Variants in NFATC1 observed in about 807,000 individuals in gnomAD.
NFATC1 encodes the protein nuclear factor of activated T-cells, cytoplasmic 1.
In NFATC1, 22 loss-of-function variants were observed where a neutral mutation model predicts 76.0. That is an observed-to-expected ratio of 0.29 (90% CI 0.21 to 0.41). The LOEUF (loss-of-function observed/expected upper bound fraction) is 0.41. Ranked by LOEUF, NFATC1 falls within the 10% of genes least tolerant of loss-of-function variation. The probability of loss-of-function intolerance (pLI) is 1.00; values close to 1 mark genes in which losing one functional copy is unlikely to be tolerated. For synonymous variants in NFATC1, 704 were observed against 613.1 expected (o/e 1.15, Z -2.19); for missense variants, 1,357 against 1,337.7 (o/e 1.01, Z -0.23).
chr18:79,421,122 C>G (rs2086077018), intron 2 of NFATC1: 1 of 152,296 alleles, frequency 6.6e-6, no homozygotes, highest in African/African-American at 2.4e-5. Context: ...CCCACACACA[C>G]TTCTACGCTG....
Position 79,396,105 on chromosome 18 carries a change from G to A in NFATC1, c.-120G>A, listed in dbSNP as rs1210923900. On this transcript the variant is annotated 5_prime_UTR_variant, in exon 1 of 10. Transcript: ENST00000427363. ...CGCCCCTCGATGACTTTCCTCCGGG[G>A]CGCGCGGCGCTGAGCCCGGGGCGAG... 8 of 1,156,190 alleles carry A rather than the reference G, an allele frequency of 6.9e-6. No individual in the cohort carries two copies. In the South Asian group the frequency reaches 8.9e-5, roughly 13 times the overall value. 71.6% of individuals were successfully genotyped at this position (1,156,190 alleles called of 1,614,324 possible).
At chr18:79,474,117 G>A (rs1414819276) in intron 8 of NFATC1, among the ~76,000 whole-genome samples, 10 of 144,268 alleles carry the variant, frequency 6.9e-5, no homozygotes, top group Middle Eastern at 8.0e-3. Flanking sequence ...TGAGGGAAGC[G>A]TGTTCTCACG....
intron 9 of NFATC1, among the ~76,000 whole-genome samples, chr18:79,490,765 C>T (rs1029961042): frequency 1.3e-5 from 2 of 152,110 alleles, no homozygotes; most frequent in Non-Finnish European, 2.9e-5. Context: ...CCAACATGGC[C>T]GGGAAGGGTC....
At chr18:79,458,692 G>C (rs560879082) in intron 6 of NFATC1, among the ~76,000 whole-genome samples, 1 of 152,242 alleles carries the variant, frequency 6.6e-6, no homozygotes, top group Non-Finnish European at 1.5e-5. Context: ...TTTCAGGACC[G>C]GCTGCCTTCC....
rs2090701429 is a variant in NFATC1 at position 79,524,592 on chromosome 18, A to G, written c.2783-2936A>G. Among the ~76,000 whole-genome samples, 1 of 152,120 alleles carries G rather than the reference A, an allele frequency of 6.6e-6. No homozygotes were observed. Among genetic ancestry groups the G allele is most frequent in the Non-Finnish European group, 1.5e-5 (1 of 68,000 alleles). On this transcript the variant is annotated intron_variant, in intron 9 of 9. Transcript: ENST00000427363. The surrounding 1 kb of genome is among the most constrained non-coding windows in gnomAD (Gnocchi z 7.2). ...CGGCCCACACGCACCGCCAGCCCGC[A>G]GGAGTGAGGTGCAGGCTGCCGCTGG...
chr18:79,449,701 G>C (rs1258632793), intron 4 of NFATC1, among the ~76,000 whole-genome samples: 1 of 152,200 alleles, frequency 6.6e-6, no homozygotes, highest in Non-Finnish European at 1.5e-5. Flanking sequence ...GTCCTGCGAG[G>C]GTGACCCGCA....
intron 9 of NFATC1, among the ~76,000 whole-genome samples, chr18:79,510,836 CCGGGG>C (rs1289915535): frequency 5.1e-4 from 76 of 149,664 alleles, no homozygotes; most frequent in African/African-American, 1.7e-3. Context: ...GCATCCTCTG[CCGGGG>C]CATCCTCTGC....
chr18:79,491,559 C>G (rs1660158), intron 9 of NFATC1, among the ~76,000 whole-genome samples: 96,324 of 152,066 alleles, frequency 0.63, 30,570 homozygotes, highest in Middle Eastern at 0.68. Flanking sequence ...CCAGGGACCT[C>G]CTGGCCAGCC....
chr18:79,507,348 G>A (rs2090139536), intron 9 of NFATC1, among the ~76,000 whole-genome samples: 1 of 152,266 alleles, frequency 6.6e-6, no homozygotes. Context: ...GCGGGTTAGA[G>A]GGCTGTGCCG....
intron 9 of NFATC1, among the ~76,000 whole-genome samples, chr18:79,518,160 G>T (rs1002855412): frequency 6.6e-6 from 1 of 152,254 alleles, no homozygotes; most frequent in African/African-American, 2.4e-5. Flanking sequence ...GACAGGGATG[G>T]AGCAGACTGC....
At chr18:79,483,384 G>A (rs2089374053) in intron 8 of NFATC1, among the ~76,000 whole-genome samples, 1 of 131,770 alleles carries the variant, frequency 7.6e-6, no homozygotes, top group South Asian at 2.3e-4. Context: ...CTGGTTCCTG[G>A]GGTGTCATTC....
At chr18:79,412,506 C>G (rs1278037220) in intron 2 of NFATC1, among the ~76,000 whole-genome samples, 1 of 152,024 alleles carries the variant, frequency 6.6e-6, no homozygotes, top group Non-Finnish European at 1.5e-5. Context: ...GGGGCGAGAC[C>G]CCGCAGAGCG....
At chr18:79,405,844 C>T (rs887523252) in intron 1 of NFATC1, among the ~76,000 whole-genome samples, 11 of 152,204 alleles carry the variant, frequency 7.2e-5, no homozygotes, top group South Asian at 2.1e-4. Context: ...TAAAGGCCCT[C>T]GGGTGCCCCA....
In NFATC1 at chr18:79,524,314, G is replaced by A. The variant is rs944918490; in HGVS notation, c.2783-3214G>A. Among the ~76,000 whole-genome samples the A allele has an allele frequency of 1.3e-5, 2 of 152,266 alleles. No individual in the cohort carries two copies. The highest frequency in any genetic ancestry group is 2.9e-5 in the Non-Finnish European group (2 of 68,050). The stretch of plus-strand genomic sequence containing the variant: ...CTACGGCACAGGCCGTGTCTGCGGG[G>A]CGAGCACGGCTCCACGTACGGCTCT... On this transcript the variant is annotated intron_variant, in intron 9 of 9. Coordinates refer to ENST00000427363, the MANE Select transcript of NFATC1 (RefSeq NM_001278669.2). The surrounding 1 kb of genome is among the most constrained non-coding windows in gnomAD (Gnocchi z 7.2).
rs1321619328 is a variant in NFATC1, at chr18:79,483,661, C to T, written c.2093-2587C>T. On this transcript the variant is annotated intron_variant, in intron 8 of 9. Transcript: ENST00000427363. ...GTGACCTGGTCCTGGGGTGTAATTC[C>T]AGCGTGACCTTGTCCTGGGGTGTCA... Among the ~76,000 whole-genome samples the T allele has an allele frequency of 2.5e-4, 36 of 145,032 alleles. 1 individual carries two copies. Among genetic ancestry groups the T allele is most frequent in the African/African-American group, 8.4e-4 (32 of 38,278 alleles).
At chr18:79,407,763 C>T (rs2085492079) in intron 1 of NFATC1, among the ~76,000 whole-genome samples, 1 of 152,214 alleles carries the variant, frequency 6.6e-6, no homozygotes, top group Admixed American at 6.5e-5. Flanking sequence ...GATTTATTGA[C>T]ATTACTGTTC....
intron 8 of NFATC1, chr18:79,468,798 C>T: frequency 6.6e-6 from 1 of 152,434 alleles, no homozygotes; most frequent in Admixed American, 6.5e-5. Context: ...TGAGACAGAG[C>T]TGCAGGGGTG....
chr18:79,450,603 C>T (rs1368277627), intron 4 of NFATC1, among the ~76,000 whole-genome samples: 2 of 152,190 alleles, frequency 1.3e-5, no homozygotes, highest in African/African-American at 4.8e-5. Context: ...AGCGTGGGCC[C>T]TGGAGGCAGC....
At chr18:79,402,531 C>T (rs1028333647) in intron 1 of NFATC1, among the ~76,000 whole-genome samples, 2 of 152,254 alleles carry the variant, frequency 1.3e-5, no homozygotes, top group Non-Finnish European at 2.9e-5. Flanking sequence ...CAGAGCTGGG[C>T]TGCTGGCTCT....
Sources: gnomAD v4.1 joint callset for allele counts (sites outside exome capture counted in the v4.1 genomes callset) on GRCh38, gnomAD v4.1.1 for gene constraint, Gnocchi (gnomAD v3.1) non-coding constraint, MANE v1.5 for transcripts, NCBI Gene and HGNC (gene_info 2026-07-23, HGNC 2026-07-21) for gene names.